ACAD10: variants seen among roughly 807,000 people sequenced by gnomAD.
ACAD10 encodes the protein ACAD-10.
ACAD10 carries 112 observed loss-of-function variants against 116.8 expected under a neutral mutation model. That is an observed-to-expected ratio of 0.96 (90% CI 0.82 to 1.12). ACAD10 has a LOEUF of 1.12. ACAD10 is among the 50% of genes most tolerant of loss of function. The pLI is 0.00. For missense variants in ACAD10, 1,259 were observed against 1,350.2 expected, an observed-to-expected ratio of 0.93 and a Z score of 1.06; for synonymous variants, 486 against 510.6, an observed-to-expected ratio of 0.95 and a Z score of 0.65.
intron 10 of ACAD10, among the ~76,000 whole-genome samples, chr12:111,731,938 C>G (rs1889396667): frequency 6.6e-6 from 1 of 152,010 alleles, no homozygotes; most frequent in Admixed American, 6.6e-5. Flanking sequence ...TAAAAATTAC[C>G]TGAGTGTGGT....
intron 19 of ACAD10, 93 bp from the exon 20 acceptor site, chr12:111,755,575 G>A (rs2135997419): frequency 1.2e-6 from 1 of 869,064 alleles, no homozygotes; most frequent in Admixed American, 1.9e-5. Flanking sequence ...GCTAGTTTTT[G>A]TATTTTTAGT....
chr12:111,702,536 C>T (rs183985192), intron 3 of ACAD10, among the ~76,000 whole-genome samples: 2 of 152,122 alleles, frequency 1.3e-5, no homozygotes, highest in East Asian at 3.9e-4. Context: ...TCGAGACCAG[C>T]CTGGCTAACA....
chr12:111,751,091 C>T (rs1484103035), intron 18 of ACAD10, among the ~76,000 whole-genome samples: 1 of 152,160 alleles, frequency 6.6e-6, no homozygotes, highest in Non-Finnish European at 1.5e-5. Flanking sequence ...AACATGGCAC[C>T]TCCACTGAAG....
chr12:111,727,800 G>A (rs1355360632), intron 8 of ACAD10, among the ~76,000 whole-genome samples, 162 bp from the exon 9 acceptor site: 1 of 152,126 alleles, frequency 6.6e-6, no homozygotes, highest in Non-Finnish European at 1.5e-5. Flanking sequence ...AATGCACTGT[G>A]CTTATGTGAA....
At chr12:111,728,837 G>T (rs1462819463) in intron 9 of ACAD10, among the ~76,000 whole-genome samples, 2 of 151,886 alleles carry the variant, frequency 1.3e-5, no homozygotes, top group Admixed American at 1.3e-4. Flanking sequence ...CTACAGGTAC[G>T]CACCACCATG....
At chr12:111,747,430 T>C (rs758869307) in intron 16 of ACAD10, 45 bp downstream of exon 16, 4 of 1,608,984 alleles carry the variant, frequency 2.5e-6, no homozygotes, top group Non-Finnish European at 3.4e-6. Context: ...TCAGGGAGTC[T>C]GTGCTGTTAG....
chr12:111,689,288 G>A (rs1460964359), intron 1 of ACAD10, among the ~76,000 whole-genome samples: 1 of 151,888 alleles, frequency 6.6e-6, no homozygotes, highest in African/African-American at 2.4e-5. Context: ...CTAAAACAGT[G>A]TAAGTACTGT....
At chr12:111,724,731 T>C (rs1593037210) in intron 8 of ACAD10, among the ~76,000 whole-genome samples, 1 of 150,444 alleles carries the variant, frequency 6.6e-6, no homozygotes, top group South Asian at 2.2e-4. Context: ...TGCAGTGAGC[T>C]GAGATGGCAG....
chr12:111,733,926 C>T lies in ACAD10; in HGVS notation c.1398C>T (p.Leu466=), dbSNP rs35268705. 1.2e-5 allele frequency: 19 copies of T among 1,614,180 alleles called. No homozygotes were observed. The highest frequency in any genetic ancestry group is 4.5e-5 in the East Asian group (2 of 44,888). Residue 466 remains leucine, a synonymous_variant, in exon 11 of 21, where the codon CTC becomes CTT. Transcript: ENST00000313698. ...TATTCCTCCTGCGACTTTTCAGGCT[C>T]GACAACCTGGTGTTTCATCCAGAAG... ...RTTVVHGDFR[L]DNLVFHPEEP...
At chr12:111,689,271 T>C (rs1887971483) in intron 1 of ACAD10, among the ~76,000 whole-genome samples, 1 of 152,000 alleles carries the variant, frequency 6.6e-6, no homozygotes, top group South Asian at 2.1e-4. Context: ...TATATATGTA[T>C]GTATACCTAA....
In ACAD10 at chr12:111,753,864, A is replaced by G. The variant is rs1435604272; in HGVS notation, c.2910A>G (p.Ala970=). 6.2e-7 allele frequency: 1 copy of G among 1,613,244 alleles called. No individual in the cohort carries two copies. The highest frequency in any genetic ancestry group is 8.5e-7 in the Non-Finnish European group (1 of 1,179,642). ...IAQSRVEIEQ[A]RLLVLRAAHL... is the part of the protein sequence containing the mutation. ...AGTCGCGCGTGGAGATTGAGCAGGC[A>G]CGGCTGCTGGTGCTGAGAGCTGCCC... The change falls in exon 19 of 21, where the codon GCA becomes GCG. Residue 970 remains alanine, a synonymous_variant. Coordinates refer to ENST00000313698, the MANE Select transcript of ACAD10 (RefSeq NM_025247.6).
chr12:111,692,517 T>C (rs1055132278), intron 1 of ACAD10, among the ~76,000 whole-genome samples, 180 bp from the exon 2 acceptor site: 5 of 152,024 alleles, frequency 3.3e-5, no homozygotes, highest in African/African-American at 1.2e-4. Context: ...GAGTGGGCGA[T>C]GGAGCCCTTG....
intron 2 of ACAD10, among the ~76,000 whole-genome samples, chr12:111,694,601 C>T (rs116248514): frequency 0.012 from 1,890 of 152,298 alleles, 44 homozygotes; most frequent in African/African-American, 0.044. Flanking sequence ...ATTCACTTCT[C>T]TCCATTGCCA....
chr12:111,705,890 C>T lies in ACAD10; in HGVS notation c.489C>T (p.Asn163=). 1 of 1,614,128 alleles carries T rather than the reference C, an allele frequency of 6.2e-7. No individual in the cohort carries two copies. Among genetic ancestry groups the T allele is most frequent in the Non-Finnish European group, 8.5e-7 (1 of 1,180,026 alleles). The change falls in exon 4 of 21, where the codon AAC becomes AAT. Residue 163 remains asparagine, a synonymous_variant. Coordinates refer to ENST00000313698, the MANE Select transcript of ACAD10 (RefSeq NM_025247.6). Reference sequence around the variant, plus strand: ...TGAGCAATAATTTTTATCTTCCCAACCAGAAAAGCTTTTTGCCCCTGGACC... The same window carrying T: ...TGAGCAATAATTTTTATCTTCCCAATCAGAAAAGCTTTTTGCCCCTGGACC... ...AVLSNNFYLP[N]QKSFLPLDRK...
rs756213811 is a variant in ACAD10 at position 111,705,874 on chromosome 12, A to G, written c.473A>G (p.Asn158Ser). Residue 158 changes from asparagine to serine, a missense_variant, in exon 4 of 21, where the codon AAT becomes AGT. Physicochemically the swap from Asn to Ser is conservative, Grantham distance 46 (BLOSUM62 1). Transcript: ENST00000313698. ...KGLQTAVLSN[N>S]FYLPNQKSFL... Reference sequence around the variant, plus strand: ...CTTCAGACTGCAGTCTTGAGCAATAATTTTTATCTTCCCAACCAGAAAAGC... The same window carrying G: ...CTTCAGACTGCAGTCTTGAGCAATAGTTTTTATCTTCCCAACCAGAAAAGC... 1.2e-6 allele frequency: 2 copies of G among 1,614,084 alleles called. No individual in the cohort carries two copies. Among genetic ancestry groups the G allele is most frequent in the South Asian group, 2.2e-5 (2 of 91,072 alleles).
intron 8 of ACAD10, among the ~76,000 whole-genome samples, chr12:111,725,958 C>T (rs539256042): frequency 2.0e-5 from 3 of 152,176 alleles, no homozygotes; most frequent in South Asian, 4.1e-4. Context: ...AATTTTTCAA[C>T]TTGAAACATT....
intron 12 of ACAD10, among the ~76,000 whole-genome samples, chr12:111,737,420 C>G (rs990815530): frequency 6.6e-6 from 1 of 152,142 alleles, no homozygotes; most frequent in Non-Finnish European, 1.5e-5. Flanking sequence ...CTCCGGGCCT[C>G]AAGTGATCCG....
chr12:111,717,932 T>C (rs1222843899), intron 7 of ACAD10, among the ~76,000 whole-genome samples: 1 of 152,114 alleles, frequency 6.6e-6, no homozygotes, highest in African/African-American at 2.4e-5. Context: ...TTTGGTAAGT[T>C]GTAATTTCTA....
Position 111,710,948 on chromosome 12 carries a change from T to C in ACAD10, c.690+1264T>C, listed in dbSNP as rs142049639. Among the ~76,000 whole-genome samples the C allele has an allele frequency of 1.4e-3, 215 of 152,196 alleles. 1 individual carries two copies. The highest frequency in any genetic ancestry group is 4.8e-3 in the African/African-American group (200 of 41,544). ...TTGACCAGTGCTTCTCTCTGCAGGA[T>C]AGAAAGTTCAGTGTGGTTAGGAGTT... is the stretch of plus-strand genomic sequence containing the variant. On this transcript the variant is annotated intron_variant, in intron 5 of 20. Coordinates refer to ENST00000313698, the MANE Select transcript of ACAD10 (RefSeq NM_025247.6).
Sources: gnomAD v4.1 joint callset for allele counts (sites outside exome capture counted in the v4.1 genomes callset) on GRCh38, gnomAD v4.1.1 for gene constraint, MANE v1.5 for transcripts, NCBI Gene and HGNC (gene_info 2026-07-23, HGNC 2026-07-21) for gene names.